Variants in TENM4 observed in about 807,000 individuals in gnomAD.
TENM4 encodes the protein teneurin-4.
TENM4 carries 82 observed loss-of-function variants against 243.3 expected under a neutral mutation model. That is an observed-to-expected ratio of 0.34 (90% CI 0.28 to 0.40). TENM4 has a LOEUF of 0.40. Among genes scored for constraint, TENM4 ranks in the 10% least tolerant of loss-of-function variants. The pLI, the probability that TENM4 is intolerant of heterozygous loss-of-function variation, is 1.00. For missense variants in TENM4, 3,138 were observed against 3,673.3 expected, an observed-to-expected ratio of 0.85 and a Z score of 3.77; for synonymous variants, 1,412 against 1,456.3, an observed-to-expected ratio of 0.97 and a Z score of 0.69.
intron 6 of TENM4, among the ~76,000 whole-genome samples, chr11:79,057,521 C>G (rs578213237): frequency 2.4e-4 from 36 of 152,328 alleles, no homozygotes; most frequent in African/African-American, 8.4e-4. Context: ...CCCCATGACA[C>G]TGCCCAGACT....
At chr11:78,884,198 G>A (rs548347876) in intron 9 of TENM4, among the ~76,000 whole-genome samples, 9 of 152,240 alleles carry the variant, frequency 5.9e-5, no homozygotes, top group Admixed American at 2.0e-4. Flanking sequence ...GTGTAAACTC[G>A]CCAAATGTCA....
chr11:79,256,007 C>T (rs774402649), intron 2 of TENM4, among the ~76,000 whole-genome samples: 1 of 152,164 alleles, frequency 6.6e-6, no homozygotes, highest in Admixed American at 6.5e-5. Context: ...CAATGGAATT[C>T]TTTTCCCTTT....
chr11:78,670,530 T>G lies in TENM4; in HGVS notation c.5815A>C (p.Ser1939Arg), dbSNP rs188162389. Residue 1939 changes from serine (S) to arginine (R), a missense_variant, in exon 32 of 34, where the codon AGC becomes CGC. Coordinates refer to ENST00000278550, the MANE Select transcript of TENM4 (RefSeq NM_001098816.3). ...AACTCAAAGATATACTGCCTCTGGC[T>G]GTGTAGTAGCAGCACCATGGACTGG... Reference protein sequence around the residue: ...LEKSMVLLLHSQRQYIFEFDK... With the variant: ...LEKSMVLLLHRQRQYIFEFDK... The G allele has an allele frequency of 6.2e-7, 1 of 1,609,764 alleles. No homozygotes were observed. The highest frequency in any genetic ancestry group is 8.5e-7 in the Non-Finnish European group (1 of 1,178,094).
intron 3 of TENM4, among the ~76,000 whole-genome samples, chr11:79,187,078 A>G (rs1331002076): frequency 6.6e-6 from 1 of 152,052 alleles, no homozygotes; most frequent in African/African-American, 2.4e-5. Flanking sequence ...CCTCCCCTTC[A>G]TTCTTGTTCT....
chr11:79,296,404 C>T (rs1409370703), intron 2 of TENM4, among the ~76,000 whole-genome samples: 1 of 152,212 alleles, frequency 6.6e-6, no homozygotes, highest in Non-Finnish European at 1.5e-5. Flanking sequence ...AGAGCCAGCC[C>T]TGGGCCTGGA....
chr11:78,863,126 T>C lies in TENM4; in HGVS notation c.1091A>G (p.His364Arg), dbSNP rs574784231. The C allele has an allele frequency of 6.6e-7, 1 of 1,509,034 alleles. No homozygotes were observed. Among genetic ancestry groups the C allele is most frequent in the Non-Finnish European group, 9.0e-7 (1 of 1,115,652 alleles). The allele number at this position is 1,509,034 out of a possible 1,614,324, so 93.5% of individuals were successfully genotyped here. ...CAGGTGCCAGTTTAGGCCAAACAGG[T>C]GCATGGCTGTGGTGAGCAATGAGAA... ...VILLAYFVAM[H>R]LFGLNWHLQP... Residue 364 changes from histidine to arginine, a missense_variant, in exon 10 of 34, where the codon CAC (histidine) becomes CGC (arginine). This residue lies in a region of TENM4 where 671 missense variants were observed against 614.1 expected (regional missense o/e 1.09). Coordinates refer to ENST00000278550, the MANE Select transcript of TENM4 (RefSeq NM_001098816.3).
rs538999224 is a variant in TENM4, at chr11:79,394,584, GTGATAACGAACTACTGAGAGTTGAATCA to G, written c.-321+45897_-321+45924del. 1.2e-3 allele frequency among the ~76,000 whole-genome samples: 190 copies of G among 152,324 alleles called. 1 individual carries two copies. Among genetic ancestry groups the G allele is most frequent in the African/African-American group, 4.2e-3 (176 of 41,570 alleles). On this transcript the variant is annotated intron_variant, in intron 1 of 33. Transcript: ENST00000278550. ...GTATTATTTTGTTTAACACTAATAT[GTGATAACGAACTACTGAGAGTTGAATCA>G]TGTTCCTCCAAAAGCTATATTGAAA...
chr11:78,829,214 C>G (rs1459362434), intron 12 of TENM4, among the ~76,000 whole-genome samples: 4 of 152,218 alleles, frequency 2.6e-5, no homozygotes, highest in Non-Finnish European at 4.4e-5. Context: ...CATGTGAAGT[C>G]TCTGACTGCC....
intron 2 of TENM4, among the ~76,000 whole-genome samples, chr11:79,252,380 G>A (rs146326141): frequency 3.7e-4 from 57 of 152,248 alleles, no homozygotes; most frequent in African/African-American, 1.3e-3. Context: ...GATTACAGGC[G>A]CTCACCACCA....
chr11:79,296,969 C>CTAAA (rs2135391408), intron 2 of TENM4, among the ~76,000 whole-genome samples: 1 of 152,260 alleles, frequency 6.6e-6, no homozygotes, highest in African/African-American at 2.4e-5. Flanking sequence ...GAGACTGGGA[C>CTAAA]TAAATACCCT....
chr11:79,311,782 C>T (rs1590871065), intron 1 of TENM4, among the ~76,000 whole-genome samples: 1 of 152,216 alleles, frequency 6.6e-6, no homozygotes, highest in Non-Finnish European at 1.5e-5. Flanking sequence ...TCATGCTCTT[C>T]CTCTTTTGGA....
chr11:78,717,796 A>G (rs1859556402), intron 25 of TENM4, among the ~76,000 whole-genome samples: 1 of 152,212 alleles, frequency 6.6e-6, no homozygotes, highest in Non-Finnish European at 1.5e-5. Flanking sequence ...AGTTAATATA[A>G]TATGTGTATC....
At chr11:79,131,150 C>T (rs1861995240) in intron 4 of TENM4, among the ~76,000 whole-genome samples, 1 of 152,268 alleles carries the variant, frequency 6.6e-6, no homozygotes, top group Non-Finnish European at 1.5e-5. Flanking sequence ...TGCTAGAGAA[C>T]TGAGCCATCC....
At chr11:78,716,868 G>A (rs1354057632) in intron 25 of TENM4, among the ~76,000 whole-genome samples, 1 of 152,200 alleles carries the variant, frequency 6.6e-6, no homozygotes, top group African/African-American at 2.4e-5. Context: ...AGTGTTGCTT[G>A]TCTGTATTTT....
intron 6 of TENM4, among the ~76,000 whole-genome samples, chr11:79,023,081 C>T (rs144176736): frequency 2.0e-3 from 297 of 152,268 alleles, no homozygotes; most frequent in Middle Eastern, 0.01. Flanking sequence ...TAACCACTAA[C>T]ATAACCACTT....
chr11:78,769,621 C>T lies in TENM4; in HGVS notation c.2539+1371G>A, dbSNP rs138958011. Among the ~76,000 whole-genome samples, 4 of 152,284 alleles carry T rather than the reference C, an allele frequency of 2.6e-5. No homozygotes were observed. In the East Asian group the frequency reaches 5.8e-4, roughly 22 times the overall value. On this transcript the variant is annotated intron_variant, in intron 18 of 33. Coordinates refer to ENST00000278550, the MANE Select transcript of TENM4 (RefSeq NM_001098816.3). ...TTAATGAACTCCACAAGTTTTAGAT[C>T]GATTAAGGGATATTTCAATCCTCCA...
At chr11:79,434,829 G>A (rs1336826852) in intron 1 of TENM4, among the ~76,000 whole-genome samples, 2 of 152,086 alleles carry the variant, frequency 1.3e-5, no homozygotes, top group Admixed American at 6.5e-5. Flanking sequence ...ACCCTGAAAT[G>A]CTACTTTCTA....
At chr11:79,394,280 C>T (rs1240518651) in intron 1 of TENM4, among the ~76,000 whole-genome samples, 1 of 152,168 alleles carries the variant, frequency 6.6e-6, no homozygotes. Context: ...ATCCTGTGAG[C>T]CCTGTGGGGA....
intron 18 of TENM4, among the ~76,000 whole-genome samples, chr11:78,763,522 G>A (rs534307335): frequency 1.2e-4 from 18 of 152,334 alleles, no homozygotes; most frequent in Admixed American, 6.5e-4. Context: ...TTCTGCTAAC[G>A]TTTTCATCTA....
Sources: gnomAD v4.1 joint callset for allele counts (sites outside exome capture counted in the v4.1 genomes callset) on GRCh38, gnomAD v4.1.1 for gene constraint, gnomAD v4.1.1 regional missense constraint, MANE v1.5 for transcripts, NCBI Gene and HGNC (gene_info 2026-07-23, HGNC 2026-07-21) for gene names.